Variants in HMGN5 observed in about 807,000 individuals in gnomAD.
The protein encoded by HMGN5 is high mobility group nucleosome-binding domain-containing protein 5.
In HMGN5, 4 loss-of-function variants were observed where a neutral mutation model predicts 9.5. The observed-to-expected ratio is 0.42, with a 90% confidence interval of 0.21 to 0.96. The LOEUF is 0.96. HMGN5 is among the 40% of genes least tolerant of loss of function. The pLI, the probability that HMGN5 is intolerant of heterozygous loss-of-function variation, is 0.30. For missense variants in HMGN5, 192 were observed against 187.5 expected (o/e 1.02, Z -0.14); for synonymous variants, 55 against 57.1 (o/e 0.96, Z 0.16).
At chrX:81,176,166 G>T (rs769927884) in intron 1 of HMGN5, among the ~76,000 whole-genome samples, 11 of 111,544 alleles carry the variant, frequency 9.9e-5, no homozygotes, top group Non-Finnish European at 1.7e-4. Context: ...TCCAGCAAAC[G>T]CCAACAGACC....
chrX:81,119,060 G>A (rs970577339), intron 3 of HMGN5, among the ~76,000 whole-genome samples: 1 of 111,524 alleles, frequency 9.0e-6, no homozygotes, highest in Admixed American at 9.5e-5. Flanking sequence ...AAATGACAAA[G>A]CAATTATTTT....
chrX:81,157,800 G>A (rs1305267353), intron 1 of HMGN5, among the ~76,000 whole-genome samples: 1 of 109,044 alleles, frequency 9.2e-6, no homozygotes, highest in Non-Finnish European at 1.9e-5. Context: ...TTTTTTTTGA[G>A]ACGGAGTCTT....
At chrX:81,147,366 C>A (rs1017246000) in intron 1 of HMGN5, among the ~76,000 whole-genome samples, 1 of 111,720 alleles carries the variant, frequency 9.0e-6, no homozygotes, top group Non-Finnish European at 1.9e-5. Flanking sequence ...AAACATAATC[C>A]ATCACATAAA....
At chrX:81,144,409 G>A (rs1033224115) in intron 1 of HMGN5, among the ~76,000 whole-genome samples, 9 of 110,920 alleles carry the variant, frequency 8.1e-5, no homozygotes, top group South Asian at 3.8e-4. Context: ...CAGACGAGTC[G>A]GACTGTTAGA....
At chrX:81,157,589 C>G (rs2075386480) in intron 1 of HMGN5, among the ~76,000 whole-genome samples, 1 of 111,231 alleles carries the variant, frequency 9.0e-6, no homozygotes, top group Non-Finnish European at 1.9e-5. Context: ...TCCTCATAAA[C>G]AAGAACTCAC....
At chrX:81,161,507 G>T (rs2075397681) in intron 1 of HMGN5, among the ~76,000 whole-genome samples, 1 of 111,180 alleles carries the variant, frequency 9.0e-6, no homozygotes, top group African/African-American at 3.3e-5. Flanking sequence ...AGTTTAGAAT[G>T]CTTTGTTACT....
Position 81,198,680 on chromosome X carries a change from C to G in HMGN5, c.-124+3057G>C, listed in dbSNP as rs185503054. Among the ~76,000 whole-genome samples the G allele has an allele frequency of 7.3e-3, 811 of 111,780 alleles. 2 individuals carry two copies. Among genetic ancestry groups the G allele is most frequent in the Non-Finnish European group, 0.012 (633 of 53,154 alleles). On this transcript the variant is annotated intron_variant, in intron 1 of 6. Transcript: ENST00000358130. The stretch of plus-strand genomic sequence containing the variant: ...AGGCCTTCGAAAAAATTTAACAGCC[C>G]TTCATGCTAAAAACTCTCAATAAAC...
At chrX:81,155,472 C>A (rs2075380610) in intron 1 of HMGN5, among the ~76,000 whole-genome samples, 1 of 109,207 alleles carries the variant, frequency 9.2e-6, no homozygotes, top group Non-Finnish European at 1.9e-5. Context: ...ATGTTCGTAG[C>A]AGCTTTATTC....
chrX:81,123,364 C>A (rs1441857710), intron 1 of HMGN5, among the ~76,000 whole-genome samples: 2 of 111,238 alleles, frequency 1.8e-5, no homozygotes, highest in East Asian at 5.6e-4. Context: ...GTAAGTAAAT[C>A]AGAAAGATAT....
intron 1 of HMGN5, among the ~76,000 whole-genome samples, chrX:81,160,954 A>G (rs1292411227): frequency 9.0e-6 from 1 of 111,566 alleles, no homozygotes; most frequent in Non-Finnish European, 1.9e-5. Flanking sequence ...CTGATTGTTT[A>G]TATCTGATGA....
intron 1 of HMGN5, among the ~76,000 whole-genome samples, chrX:81,193,928 T>G (rs1320461470): frequency 8.9e-6 from 1 of 111,770 alleles, no homozygotes; most frequent in Non-Finnish European, 1.9e-5. Context: ...TCAAGATATT[T>G]AAATTTATAA....
intron 1 of HMGN5, among the ~76,000 whole-genome samples, chrX:81,126,046 G>T: frequency 9.3e-6 from 1 of 107,198 alleles, no homozygotes; most frequent in African/African-American, 3.4e-5. Context: ...TACTTGGGAG[G>T]CTGCGGCAGG....
At chrX:81,115,578 T>G (rs931456855) in intron 6 of HMGN5, among the ~76,000 whole-genome samples, 1 of 112,295 alleles carries the variant, frequency 8.9e-6, no homozygotes, top group African/African-American at 3.2e-5. Flanking sequence ...ATGAGGACTA[T>G]GCATGTAAAC....
At chrX:81,199,961 T>A (rs1309929327) in intron 1 of HMGN5, among the ~76,000 whole-genome samples, 1 of 110,850 alleles carries the variant, frequency 9.0e-6, no homozygotes, top group African/African-American at 3.3e-5. Flanking sequence ...TGGGAGAAAA[T>A]TTTTGCAATC....
intron 1 of HMGN5, among the ~76,000 whole-genome samples, chrX:81,158,180 T>C (rs1401585719): frequency 8.9e-6 from 1 of 112,273 alleles, no homozygotes; most frequent in Non-Finnish European, 1.9e-5. Flanking sequence ...CCAATAGTTC[T>C]ATAATTGCTT....
chrX:81,147,882 A>G (rs1410287096), intron 1 of HMGN5, among the ~76,000 whole-genome samples: 1 of 111,620 alleles, frequency 9.0e-6, no homozygotes, highest in Non-Finnish European at 1.9e-5. Flanking sequence ...CCCATTCACA[A>G]TTGCTACAAA....
intron 1 of HMGN5, among the ~76,000 whole-genome samples, chrX:81,129,254 A>G (rs1383349015): frequency 8.9e-6 from 1 of 111,878 alleles, no homozygotes; most frequent in African/African-American, 3.2e-5. Context: ...AGCAGCACCA[A>G]TTTATACTCT....
At position 81,119,825 on chromosome X, in the gene HMGN5, G is replaced by A. The variant is rs778696401; in HGVS notation, c.16-8C>T. The A allele has an allele frequency of 1.7e-6, 2 of 1,197,390 alleles. No individual in the cohort carries two copies. The highest frequency in any genetic ancestry group is 1.1e-6 in the Non-Finnish European group (1 of 882,942). On this transcript the variant is annotated splice_region_variant and splice_polypyrimidine_tract_variant and intron_variant, in intron 2 of 6. Transcript: ENST00000358130. ...ATCACCTTGACCTGCAGCCTACACA[G>A]AGGAGAAAACCACACAGAAATAAGG...
chrX:81,173,918 T>G (rs750788825), intron 1 of HMGN5, among the ~76,000 whole-genome samples: 2 of 111,616 alleles, frequency 1.8e-5, no homozygotes, highest in African/African-American at 6.5e-5. Flanking sequence ...TTATCTTATG[T>G]TAGAATTACT....
Sources: allele counts gnomAD v4.1 joint callset (sites outside exome capture counted in the v4.1 genomes callset), GRCh38; gene constraint gnomAD v4.1.1; transcripts MANE v1.5; gene names NCBI Gene and HGNC (gene_info 2026-07-23, HGNC 2026-07-21).